Variants in DNM3 observed in about 807,000 individuals in gnomAD.
DNM3 encodes dynamin-3.
In DNM3, 47 loss-of-function variants were observed where a neutral mutation model predicts 101.6. That is an observed-to-expected ratio of 0.46 (90% confidence interval 0.37 to 0.59). The LOEUF is 0.59. Ranked by LOEUF, DNM3 falls within the 20% of genes least tolerant of loss-of-function variation. The probability of loss-of-function intolerance (pLI) is 0.00; values close to 1 mark genes in which losing one functional copy is unlikely to be tolerated. For missense variants in DNM3, 849 were observed against 1,085.7 expected, an observed-to-expected ratio of 0.78 and a Z score of 3.06; for synonymous variants, 385 against 387.9, an observed-to-expected ratio of 0.99 and a Z score of 0.09.
intron 14 of DNM3, chr1:172,132,928 C>T: frequency 7.3e-7 from 1 of 1,360,712 alleles, no homozygotes; most frequent in Non-Finnish European, 1.0e-6. Flanking sequence ...TTACCAAAGT[C>T]ACACAGCTAG....
At chr1:172,051,884 CTTATCT>C (rs1304954749) in intron 10 of DNM3, among the ~76,000 whole-genome samples, 1 of 152,136 alleles carries the variant, frequency 6.6e-6, no homozygotes, top group Non-Finnish European at 1.5e-5. Context: ...AAATTTACTG[CTTATCT>C]TTATTTTCCT....
rs555988073 is a variant in DNM3, at chr1:171,912,726, C to A, written c.162-9022C>A. Among the ~76,000 whole-genome samples, 103 of 152,288 alleles carry A rather than the reference C, an allele frequency of 6.8e-4. 1 individual carries two copies. Among genetic ancestry groups the A allele is most frequent in the African/African-American group, 2.4e-3 (101 of 41,550 alleles). Reference sequence around the variant, plus strand: ...TGGGTAGAAGTTAGTCATGTGGACACCCCATTTGCAAGGGAGGCTGGGAAA... The same window carrying A: ...TGGGTAGAAGTTAGTCATGTGGACAACCCATTTGCAAGGGAGGCTGGGAAA... On this transcript the variant is annotated intron_variant, in intron 1 of 20. Coordinates refer to ENST00000627582, the MANE Select transcript of DNM3 (RefSeq NM_015569.5).
At chr1:172,293,023 A>G (rs1357987474) in intron 15 of DNM3, among the ~76,000 whole-genome samples, 3 of 152,214 alleles carry the variant, frequency 2.0e-5, no homozygotes, top group Non-Finnish European at 4.4e-5. Flanking sequence ...CATGTGGCCG[A>G]CTGTGCGTGT....
intron 10 of DNM3, among the ~76,000 whole-genome samples, chr1:172,057,672 C>T (rs2050758513): frequency 6.6e-6 from 1 of 151,416 alleles, no homozygotes; most frequent in South Asian, 2.1e-4. Flanking sequence ...CCAGGCCTGC[C>T]CTAAAAGAGC....
chr1:172,414,401 A>AAAT (rs1415789056), downstream of DNM3, among the ~76,000 whole-genome samples: 2 of 152,258 alleles, frequency 1.3e-5, no homozygotes, highest in African/African-American at 4.8e-5. Context: ...TATGCTTGAG[A>AAAT]AATAATGACT....
At chr1:172,202,684 G>A (rs2060193825) in intron 14 of DNM3, among the ~76,000 whole-genome samples, 1 of 152,110 alleles carries the variant, frequency 6.6e-6, no homozygotes. Context: ...TGTCAACTGG[G>A]CGTGAGAACT....
At chr1:171,881,156 TC>T (rs776167916) in intron 1 of DNM3, among the ~76,000 whole-genome samples, 29 of 152,288 alleles carry the variant, frequency 1.9e-4, no homozygotes, top group Admixed American at 1.0e-3. Context: ...ATTATATTGA[TC>T]TATTTACTTT....
At position 172,407,660 on chromosome 1, in the gene DNM3, T is replaced by C. The variant is rs940762209; in HGVS notation, c.2523-112T>C. 5 of 1,014,604 alleles carry C rather than the reference T, an allele frequency of 4.9e-6. No individual in the cohort carries two copies. The Admixed American group carries it at 8.8e-5, about 18-fold the overall frequency. 62.9% of individuals were successfully genotyped at this position (1,014,604 alleles called of 1,614,324 possible). On this transcript the variant is annotated intron_variant, in intron 20 of 20. Transcript: ENST00000627582. ...CATTACAGATCATAACCACTTCTGCTGGCCTGTATGTGCATGAGCATGTGT... is the reference window on the plus strand; with the variant it reads ...CATTACAGATCATAACCACTTCTGCCGGCCTGTATGTGCATGAGCATGTGT...
chr1:172,199,256 T>C (rs2148477191), intron 14 of DNM3, among the ~76,000 whole-genome samples: 1 of 152,158 alleles, frequency 6.6e-6, no homozygotes, highest in Admixed American at 6.6e-5. Flanking sequence ...ATTTTTATTG[T>C]AGTGTGGTTC....
chr1:172,201,059 T>C (rs2060135478), intron 14 of DNM3, among the ~76,000 whole-genome samples: 1 of 152,172 alleles, frequency 6.6e-6, no homozygotes, highest in Non-Finnish European at 1.5e-5. Context: ...TTGGATGCTT[T>C]CACCAGGCTG....
chr1:172,089,855 A>G (rs2147799944), intron 12 of DNM3, among the ~76,000 whole-genome samples: 2 of 152,316 alleles, frequency 1.3e-5, no homozygotes, highest in East Asian at 3.9e-4. Flanking sequence ...CTCAAGGAAT[A>G]TTGGACCTAA....
chr1:171,861,430 C>G (rs901845052), intron 1 of DNM3, among the ~76,000 whole-genome samples: 2 of 152,098 alleles, frequency 1.3e-5, no homozygotes, highest in African/African-American at 4.8e-5. Flanking sequence ...CAGAAATAAA[C>G]TGTTACATTC....
In DNM3 at chr1:172,035,709, T is replaced by G. The variant is rs2048906825; in HGVS notation, c.849+2444T>G. Among the ~76,000 whole-genome samples, 2 of 152,184 alleles carry G rather than the reference T, an allele frequency of 1.3e-5. 1 individual carries two copies. The highest frequency in any genetic ancestry group is 4.1e-4 in the South Asian group (2 of 4,830). ...TTGGTTGCTGGTTTCTTGTGGTTGC[T>G]GGTTCTGTTAGATTTGGGTCCTTGT... On this transcript the variant is annotated intron_variant, in intron 6 of 20. Coordinates refer to ENST00000627582, the MANE Select transcript of DNM3 (RefSeq NM_015569.5).
intron 13 of DNM3, among the ~76,000 whole-genome samples, chr1:172,099,486 C>T (rs1375410743): frequency 6.6e-6 from 1 of 151,724 alleles, no homozygotes; most frequent in East Asian, 1.9e-4. Context: ...CACATCATTT[C>T]TATATCGTTG....
chr1:172,388,794 C>G lies in DNM3; in HGVS notation c.2507C>G (p.Pro836Arg), dbSNP rs1176962388. The G allele has an allele frequency of 2.5e-6, 4 of 1,584,428 alleles. No homozygotes were observed. Among genetic ancestry groups the G allele is most frequent in the Non-Finnish European group, 3.4e-6 (4 of 1,165,322 alleles). Residue 836 changes from proline to arginine, a missense_variant, in exon 20 of 21, where the codon CCG becomes CGG. Physicochemically the swap from Pro to Arg is moderately radical, Grantham distance 103 (BLOSUM62 -2). Coordinates refer to ENST00000627582, the MANE Select transcript of DNM3 (RefSeq NM_015569.5). ...PQVPSRPTRAPPSVPSRRPPP... is the reference protein window; with the variant it reads ...PQVPSRPTRARPSVPSRRPPP... ...GTTCCATCTAGGCCTACGAGGGCCC[C>G]GCCCAGTGTCCCAAGGTAAGGCATG...
intron 1 of DNM3, among the ~76,000 whole-genome samples, chr1:171,855,380 C>G: frequency 6.6e-6 from 1 of 152,130 alleles, no homozygotes; most frequent in East Asian, 1.9e-4. Context: ...TTATGTTTCT[C>G]TGGGTATATA....
chr1:172,354,112 TGA>T (rs71563205), intron 17 of DNM3, among the ~76,000 whole-genome samples: 34 of 94,964 alleles, frequency 3.6e-4, no homozygotes, highest in Non-Finnish European at 5.0e-4. Context: ...TGTGTGTGTG[TGA>T]GAGAGAGAGA....
intron 2 of DNM3, among the ~76,000 whole-genome samples, chr1:171,931,421 TA>T (rs1422044251): frequency 6.6e-6 from 1 of 152,192 alleles, no homozygotes; most frequent in Non-Finnish European, 1.5e-5. Flanking sequence ...CCTGAGGATA[TA>T]AAAGTGATTA....
intron 20 of DNM3, chr1:172,393,619 T>G (rs918454820): frequency 6.5e-6 from 1 of 152,774 alleles, no homozygotes; most frequent in African/African-American, 2.4e-5. Flanking sequence ...CTGACTTCTT[T>G]TAGCAGCTGA....
Sources: allele counts gnomAD v4.1 joint callset (sites outside exome capture counted in the v4.1 genomes callset), GRCh38; gene constraint gnomAD v4.1.1; transcripts MANE v1.5; gene names NCBI Gene and HGNC (gene_info 2026-07-23, HGNC 2026-07-21).